The following DLGAP2 variants were observed in gnomAD, a reference collection of about 807,000 sequenced individuals.
The protein encoded by DLGAP2 is disks large-associated protein 2.
DLGAP2 carries 26 observed loss-of-function variants against 100.3 expected under a neutral mutation model. That is an observed-to-expected ratio of 0.26 (90% CI 0.19 to 0.36). The LOEUF is 0.36. DLGAP2 is among the 10% of genes least tolerant of loss of function. The pLI, the probability that DLGAP2 is intolerant of heterozygous loss-of-function variation, is 1.00. For missense variants in DLGAP2, 1,858 were observed against 1,453.2 expected (o/e 1.28, Z -4.53); for synonymous variants, 886 against 630.1 (o/e 1.41, Z -6.08).
At position 1,234,846 on chromosome 8, in the gene DLGAP2, C is replaced by T. The variant is rs117645512; in HGVS notation, c.74-24005C>T. On this transcript the variant is annotated intron_variant, in intron 2 of 14. Coordinates refer to ENST00000637795, the MANE Select transcript of DLGAP2 (RefSeq NM_001346810.2). The stretch of plus-strand genomic sequence containing the variant: ...ACGGCGTCACGTCAGGAGTGATACC[C>T]GGACTGTTCAACACTTAACTGTCAC... Among the ~76,000 whole-genome samples the T allele has an allele frequency of 7.2e-3, 1,090 of 152,290 alleles. 5 individuals carry two copies. Among genetic ancestry groups the T allele is most frequent in the South Asian group, 0.023 (112 of 4,814 alleles).
chr8:1,374,604 A>C (rs142123003), intron 3 of DLGAP2, among the ~76,000 whole-genome samples: 1 of 152,318 alleles, frequency 6.6e-6, no homozygotes, highest in African/African-American at 2.4e-5. Flanking sequence ...TGATGTAACC[A>C]TGTGGCAGAC....
At chr8:1,058,569 AGAG>A (rs1420525913) in intron 2 of DLGAP2, among the ~76,000 whole-genome samples, 12 of 152,198 alleles carry the variant, frequency 7.9e-5, no homozygotes, top group Admixed American at 7.9e-4. Context: ...GTGTTGGCAA[AGAG>A]GAGATCAACT....
intron 3 of DLGAP2, among the ~76,000 whole-genome samples, chr8:1,425,114 T>A (rs1265042186): frequency 2.0e-5 from 3 of 152,252 alleles, no homozygotes; most frequent in African/African-American, 7.2e-5. Context: ...ACTAAGGTAG[T>A]TTTTAAAATT....
chr8:1,073,023 T>A (rs1256684604), intron 2 of DLGAP2, among the ~76,000 whole-genome samples: 1 of 152,240 alleles, frequency 6.6e-6, no homozygotes, highest in Non-Finnish European at 1.5e-5. Flanking sequence ...CTCTCATTTG[T>A]ACCTCTGATC....
intron 3 of DLGAP2, among the ~76,000 whole-genome samples, chr8:1,376,250 C>A (rs187611532): frequency 1.4e-4 from 21 of 152,364 alleles, no homozygotes; most frequent in East Asian, 3.9e-4. Flanking sequence ...GGGCCCGGGA[C>A]GTGCTGTCTC....
At chr8:1,019,621 G>T (rs1050839871) in intron 2 of DLGAP2, 1 of 135,768 alleles carries the variant, frequency 7.4e-6, no homozygotes, top group Middle Eastern at 3.8e-3. Context: ...TGATCTCTGT[G>T]GGGACTGTGG....
intron 2 of DLGAP2, among the ~76,000 whole-genome samples, chr8:1,081,392 C>A (rs1316238332): frequency 6.6e-6 from 1 of 152,208 alleles, no homozygotes; most frequent in African/African-American, 2.4e-5. Context: ...TGCTCTGTCG[C>A]CCAGGTTGGA....
chr8:927,511 T>A (rs1367583080), intron 2 of DLGAP2, among the ~76,000 whole-genome samples: 3 of 152,154 alleles, frequency 2.0e-5, no homozygotes, highest in Non-Finnish European at 4.4e-5. Flanking sequence ...AAGTTCAAAG[T>A]CCTCCGCGTG....
intron 3 of DLGAP2, among the ~76,000 whole-genome samples, chr8:1,359,982 C>T (rs946032486): frequency 1.3e-5 from 2 of 152,230 alleles, no homozygotes; most frequent in Non-Finnish European, 2.9e-5. Context: ...CCTGCCAGCA[C>T]ACCTCAGCAT....
intron 1 of DLGAP2, among the ~76,000 whole-genome samples, chr8:751,407 C>T (rs750380730): frequency 2.7e-4 from 41 of 152,236 alleles, no homozygotes; most frequent in Non-Finnish European, 4.8e-4. Flanking sequence ...CTGACAGTCG[C>T]TCAGGAGGTG....
intron 3 of DLGAP2, among the ~76,000 whole-genome samples, chr8:1,469,709 ATTAAAT>A (rs1798727164): frequency 6.6e-6 from 1 of 152,172 alleles, no homozygotes; most frequent in South Asian, 2.1e-4. Flanking sequence ...TCTTTTTTGT[ATTAAAT>A]TTATTATTTG....
intron 1 of DLGAP2, among the ~76,000 whole-genome samples, chr8:830,883 T>A (rs1197801215): frequency 7.0e-6 from 1 of 141,940 alleles, no homozygotes; most frequent in Admixed American, 7.8e-5. Context: ...TATGTAAACA[T>A]TCAGCTGTGA....
At chr8:1,164,128 A>G (rs11774809) in intron 2 of DLGAP2, among the ~76,000 whole-genome samples, 13,931 of 21,988 alleles carry the variant, frequency 0.63, 4,711 homozygotes, top group Admixed American at 0.68. Context: ...AGGGCCCGTC[A>G]TTTTGGTTTG....
chr8:1,177,921 C>G (rs1016978846), intron 2 of DLGAP2, among the ~76,000 whole-genome samples: 2 of 152,224 alleles, frequency 1.3e-5, no homozygotes, highest in Admixed American at 6.5e-5. Context: ...TTCCGGCCAG[C>G]AAAGCCTTCA....
intron 1 of DLGAP2, among the ~76,000 whole-genome samples, chr8:842,951 A>G (rs1211603276): frequency 1.3e-5 from 2 of 152,060 alleles, no homozygotes; most frequent in Non-Finnish European, 2.9e-5. Context: ...AGCTTGTTTT[A>G]CAGCAGCCGG....
intron 1 of DLGAP2, among the ~76,000 whole-genome samples, chr8:862,457 C>T (rs1797411568): frequency 6.6e-6 from 1 of 152,184 alleles, no homozygotes; most frequent in Non-Finnish European, 1.5e-5. Flanking sequence ...CACCCACCAC[C>T]TCGCCTGGCT....
At chr8:895,679 T>C (rs760820341) in intron 1 of DLGAP2, among the ~76,000 whole-genome samples, 1 of 152,200 alleles carries the variant, frequency 6.6e-6, no homozygotes, top group African/African-American at 2.4e-5. Flanking sequence ...GCCCTTTCGG[T>C]GGTGGTGTGA....
intron 1 of DLGAP2, among the ~76,000 whole-genome samples, chr8:828,466 C>T (rs996258046): frequency 3.3e-5 from 5 of 152,198 alleles, no homozygotes; most frequent in Admixed American, 2.0e-4. Context: ...CCCAGCTCAC[C>T]GGTGGTCAGA....
intron 6 of DLGAP2, among the ~76,000 whole-genome samples, chr8:1,598,688 T>C (rs901377487): frequency 3.3e-5 from 5 of 152,234 alleles, no homozygotes; most frequent in African/African-American, 1.2e-4. Context: ...GTAGTTTGTA[T>C]TTCTGTGGGA....
Sources: gnomAD v4.1 joint callset for allele counts (sites outside exome capture counted in the v4.1 genomes callset) on GRCh38, gnomAD v4.1.1 for gene constraint, MANE v1.5 for transcripts, NCBI Gene and HGNC (gene_info 2026-07-23, HGNC 2026-07-21) for gene names.